The following DNAH9 variants were observed in gnomAD, a reference collection of about 807,000 sequenced individuals.
DNAH9 encodes dynein axonemal heavy chain 9, also known as DNAH9 variant protein.
Under a neutral mutation model 471.6 loss-of-function variants are expected in DNAH9, and 345 were observed. That is an observed-to-expected ratio of 0.73 (90% CI 0.67 to 0.80). DNAH9 has a LOEUF of 0.80. Ranked by LOEUF, DNAH9 falls within the 30% of genes least tolerant of loss-of-function variation. DNAH9 has a pLI of 0.00. For synonymous variants in DNAH9, 2,093 were observed against 2,123.6 expected, an observed-to-expected ratio of 0.99 and a Z score of 0.40; for missense variants, 5,407 against 5,609.2, an observed-to-expected ratio of 0.96 and a Z score of 1.15.
intron 50 of DNAH9, among the ~76,000 whole-genome samples, chr17:11,858,225 T>C (rs2150973972): frequency 6.6e-6 from 1 of 152,166 alleles, no homozygotes; most frequent in South Asian, 2.1e-4. Flanking sequence ...ACACACAGAG[T>C]GAAATATCAA....
intron 52 of DNAH9, among the ~76,000 whole-genome samples, chr17:11,872,647 G>A (rs562153534): frequency 3.3e-5 from 5 of 152,168 alleles, no homozygotes; most frequent in Admixed American, 1.3e-4. Flanking sequence ...TGGGCCGGGC[G>A]CGGTGGCTCA....
intron 39 of DNAH9, among the ~76,000 whole-genome samples, chr17:11,781,649 T>C (rs1438706211): frequency 4.6e-5 from 7 of 151,832 alleles, no homozygotes; most frequent in African/African-American, 2.4e-5. Context: ...CTGGCCAACA[T>C]GGTGAAACCC....
At chr17:11,834,430 A>T (rs1323494138) in intron 48 of DNAH9, among the ~76,000 whole-genome samples, 4 of 152,036 alleles carry the variant, frequency 2.6e-5, no homozygotes, top group Non-Finnish European at 5.9e-5. Flanking sequence ...TGGAGAGAGG[A>T]CATCAAGAGT....
chr17:11,671,617 G>A (rs563648115), intron 17 of DNAH9, among the ~76,000 whole-genome samples: 7 of 152,194 alleles, frequency 4.6e-5, no homozygotes, highest in Non-Finnish European at 1.0e-4. Flanking sequence ...TAGAGGAGGT[G>A]GTTGGACTCT....
chr17:11,664,763 T>C, intron 14 of DNAH9, 70 bp from the exon 15 acceptor site: 1 of 1,295,154 alleles, frequency 7.7e-7, no homozygotes, highest in Non-Finnish European at 1.1e-6. Flanking sequence ...GTTTTTATTT[T>C]GACTGTTGAT....
At chr17:11,630,786 C>T (rs1384602348) in intron 7 of DNAH9, among the ~76,000 whole-genome samples, 3 of 152,016 alleles carry the variant, frequency 2.0e-5, no homozygotes, top group Non-Finnish European at 4.4e-5. Context: ...GTGTTCTCAC[C>T]ACGCACACAA....
rs1490566898 is a variant in DNAH9 at position 11,843,859 on chromosome 17, G to GTATATATATATATATATATA, written c.9507+8962_9507+8963insATATATATATATATATATAT. On this transcript the variant is annotated intron_variant, in intron 49 of 68. Transcript: ENST00000262442. ...TATGTGTTTGTGTGTGTGTGTGTGTGTGTGTATATATATATATATATATAT... is the reference window on the plus strand; with the variant it reads ...TATGTGTTTGTGTGTGTGTGTGTGTGTATATATATATATATATATATGTGTATATATATATATATATATAT... Among the ~76,000 whole-genome samples, 48 of 46,978 alleles carry GTATATATATATATATATATA rather than the reference G, an allele frequency of 1.0e-3. 1 individual carries two copies. Among genetic ancestry groups the GTATATATATATATATATATA allele is most frequent in the South Asian group, 1.8e-3 (2 of 1,140 alleles). The allele number at this position is 46,978 out of a possible 152,430, so 30.8% of individuals were successfully genotyped here. A position where few individuals can be genotyped will look rare whatever the true frequency, so the allele number is the denominator to read the frequency against.
chr17:11,677,829 C>G (rs1395618130), intron 17 of DNAH9, among the ~76,000 whole-genome samples: 1 of 151,694 alleles, frequency 6.6e-6, no homozygotes, highest in East Asian at 1.9e-4. Context: ...TAATGCTTAC[C>G]ACTGCTATTT....
chr17:11,694,716 C>T (rs1471043647), intron 22 of DNAH9, among the ~76,000 whole-genome samples: 1 of 5,980 alleles, frequency 1.7e-4, no homozygotes, highest in African/African-American at 2.1e-4. Context: ...CTCTCTCTCT[C>T]TCTCTCTCTC....
intron 14 of DNAH9, among the ~76,000 whole-genome samples, chr17:11,663,301 C>T (rs2073808671): frequency 6.6e-6 from 1 of 152,212 alleles, no homozygotes; most frequent in South Asian, 2.1e-4. Context: ...CTCAGTCAGA[C>T]TCAAGAGGAG....
intron 36 of DNAH9, among the ~76,000 whole-genome samples, chr17:11,764,126 T>A (rs1471396961): frequency 6.6e-6 from 1 of 152,178 alleles, no homozygotes; most frequent in Non-Finnish European, 1.5e-5. Context: ...CTAATTAGCA[T>A]CTAGGATTGG....
chr17:11,775,025 C>T (rs1021035832), intron 38 of DNAH9, among the ~76,000 whole-genome samples: 3 of 152,280 alleles, frequency 2.0e-5, no homozygotes, highest in African/African-American at 4.8e-5. Flanking sequence ...TTCCTCCCAA[C>T]GCCCCCCACC....
chr17:11,628,763 G>A (rs1597405763), intron 6 of DNAH9, among the ~76,000 whole-genome samples: 1 of 152,272 alleles, frequency 6.6e-6, no homozygotes, highest in Non-Finnish European at 1.5e-5. Context: ...AGAAATCAGC[G>A]ATAAAGCTAC....
chr17:11,933,189 C>A (rs1416244798), intron 64 of DNAH9, among the ~76,000 whole-genome samples: 1 of 152,104 alleles, frequency 6.6e-6, no homozygotes, highest in Non-Finnish European at 1.5e-5. Context: ...TCATTAAAGG[C>A]AGAAAATTAG....
chr17:11,920,473 T>C (rs771644277), intron 61 of DNAH9, among the ~76,000 whole-genome samples: 11 of 151,220 alleles, frequency 7.3e-5, no homozygotes, highest in Non-Finnish European at 1.3e-4. Flanking sequence ...ATACACAAAT[T>C]AGCTGGGCAT....
chr17:11,849,914 A>G (rs1971357887), intron 49 of DNAH9, among the ~76,000 whole-genome samples: 1 of 152,026 alleles, frequency 6.6e-6, no homozygotes, highest in Non-Finnish European at 1.5e-5. Flanking sequence ...TGATTCATTC[A>G]TTTATTCACT....
chr17:11,703,789 T>G (rs1331076192), intron 24 of DNAH9, among the ~76,000 whole-genome samples: 1 of 152,060 alleles, frequency 6.6e-6, no homozygotes, highest in Non-Finnish European at 1.5e-5. Context: ...CTCACTAAAT[T>G]AGGTTGTCAG....
intron 44 of DNAH9, among the ~76,000 whole-genome samples, chr17:11,809,616 A>G (rs571445081): frequency 6.6e-6 from 1 of 152,168 alleles, no homozygotes; most frequent in Admixed American, 6.5e-5. Flanking sequence ...CTAGCATAAG[A>G]TATATTCATC....
chr17:11,948,313 C>T (rs984082341), intron 67 of DNAH9, among the ~76,000 whole-genome samples: 1 of 148,880 alleles, frequency 6.7e-6, no homozygotes, highest in Admixed American at 6.7e-5. Context: ...ACTGCAAGCT[C>T]CACCTCTTGG....
Sources: gnomAD v4.1 joint callset for allele counts (sites outside exome capture counted in the v4.1 genomes callset) on GRCh38, gnomAD v4.1.1 for gene constraint, MANE v1.5 for transcripts, NCBI Gene and HGNC (gene_info 2026-07-23, HGNC 2026-07-21) for gene names.